Variants in CACNA1C observed in about 807,000 individuals in gnomAD.
CACNA1C encodes calcium voltage-gated channel subunit alpha1 C, also known as voltage-dependent L-type calcium channel subunit alpha-1C.
In CACNA1C, 30 loss-of-function variants were observed where a neutral mutation model predicts 229.0. The ratio of observed to expected loss-of-function variants is 0.13; its 90% confidence interval spans 0.10 to 0.18. The LOEUF (loss-of-function observed/expected upper bound fraction) is 0.18, where lower values mean the gene tolerates loss of function less well. Among genes scored for constraint, CACNA1C ranks in the 10% least tolerant of loss-of-function variants. CACNA1C has a pLI of 1.00. For missense variants in CACNA1C, 1,658 were observed against 2,845.0 expected (o/e 0.58, Z 9.49); for synonymous variants, 1,114 against 1,132.5 (o/e 0.98, Z 0.33).
chr12:2,117,151 A>G (rs1040039924), intron 2 of CACNA1C, among the ~76,000 whole-genome samples: 3 of 152,158 alleles, frequency 2.0e-5, no homozygotes, highest in African/African-American at 4.8e-5. Flanking sequence ...CATGCCAGTA[A>G]TTCCAGCTGC....
intron 3 of CACNA1C, among the ~76,000 whole-genome samples, chr12:2,435,987 G>C (rs1046223499): frequency 5.3e-5 from 8 of 152,216 alleles, no homozygotes; most frequent in African/African-American, 1.7e-4. Flanking sequence ...ACCCTCCCAG[G>C]GGAGGAGAAG....
intron 3 of CACNA1C, among the ~76,000 whole-genome samples, chr12:2,425,828 T>C (rs1424474546): frequency 6.6e-6 from 1 of 152,094 alleles, no homozygotes. Flanking sequence ...CTGGGACAAA[T>C]GAAAGGTCAC....
At chr12:2,185,040 C>T (rs1158801519) in intron 3 of CACNA1C, among the ~76,000 whole-genome samples, 1 of 151,388 alleles carries the variant, frequency 6.6e-6, no homozygotes, top group African/African-American at 2.5e-5. Context: ...CTCATTGCTC[C>T]TGGGCTTTAC....
chr12:2,525,699 A>C (rs568277097), intron 9 of CACNA1C, among the ~76,000 whole-genome samples: 1 of 152,200 alleles, frequency 6.6e-6, no homozygotes, highest in Non-Finnish European at 1.5e-5. Context: ...GTCGAGTAAC[A>C]ACCCCAAACA....
rs974990418 is a variant in CACNA1C, at chr12:2,639,924, GA to G, written c.3912+5547del. On this transcript the variant is annotated intron_variant, in intron 30 of 46. Transcript: ENST00000399655. The surrounding 1 kb of genome is among the most constrained non-coding windows in gnomAD (Gnocchi z 4.2). ...GGGAGCAGAGCAGGCACAGGGAGGG[GA>G]AAGAACACTGGCCCTGGAGCTTCTG... is the stretch of plus-strand genomic sequence containing the variant. Among the ~76,000 whole-genome samples the G allele has an allele frequency of 6.6e-6, 1 of 152,170 alleles. No homozygotes were observed. Among genetic ancestry groups the G allele is most frequent in the African/African-American group, 2.4e-5 (1 of 41,442 alleles).
chr12:2,130,550 G>A (rs2091986277), intron 3 of CACNA1C, among the ~76,000 whole-genome samples: 1 of 116,150 alleles, frequency 8.6e-6, no homozygotes, highest in Non-Finnish European at 1.8e-5. Context: ...GAGAATATGC[G>A]GTGTTTGGTT....
Position 2,575,115 on chromosome 12 carries a change from A to G in CACNA1C, c.1896-6475A>G, listed in dbSNP as rs2057927284. On this transcript the variant is annotated intron_variant, in intron 13 of 46. Coordinates refer to ENST00000399655, the MANE Select transcript of CACNA1C (RefSeq NM_000719.7). This position sits in a 1 kb window ranked among gnomAD's most constrained non-coding sequence, Gnocchi z 4.0. ...CTTGACCAGGTTACACTCCCCATGC[A>G]GGTTCCGTTCTTAATGTGACCGAGA... Among the ~76,000 whole-genome samples the G allele has an allele frequency of 6.6e-6, 1 of 152,218 alleles. No homozygotes were observed. Among genetic ancestry groups the G allele is most frequent in the Non-Finnish European group, 1.5e-5 (1 of 68,036 alleles).
At chr12:2,001,168 C>T (rs1248214521) in intron 1 of CACNA1C, among the ~76,000 whole-genome samples, 5 of 152,156 alleles carry the variant, frequency 3.3e-5, no homozygotes, top group African/African-American at 1.2e-4. Context: ...TTACAGCTGC[C>T]CAAATTCACG....
At chr12:2,233,040 C>G (rs757428090) in intron 3 of CACNA1C, among the ~76,000 whole-genome samples, 2 of 152,130 alleles carry the variant, frequency 1.3e-5, no homozygotes, top group Non-Finnish European at 2.9e-5. Flanking sequence ...AGTACTGATT[C>G]GTTTTATTGG....
intron 7 of CACNA1C, among the ~76,000 whole-genome samples, chr12:2,502,098 G>A (rs2099761839): frequency 6.6e-6 from 1 of 152,168 alleles, no homozygotes; most frequent in African/African-American, 2.4e-5. Context: ...TCAGCCTCAC[G>A]CAGACACTCT....
chr12:2,438,958 C>T (rs2099187023), intron 3 of CACNA1C, among the ~76,000 whole-genome samples: 1 of 152,102 alleles, frequency 6.6e-6, no homozygotes, highest in African/African-American at 2.4e-5. Context: ...CATGCTAGCC[C>T]ACAGGTCACT....
intron 43 of CACNA1C, 36 bp downstream of exon 43, chr12:2,682,714 G>T (rs773133922): frequency 1.3e-6 from 2 of 1,594,734 alleles, no homozygotes; most frequent in East Asian, 4.5e-5. Context: ...GCTGACCCAA[G>T]TGTGGGAACA....
chr12:2,570,375 C>G (rs572824738), intron 13 of CACNA1C, among the ~76,000 whole-genome samples: 2 of 152,214 alleles, frequency 1.3e-5, no homozygotes, highest in East Asian at 3.9e-4. Flanking sequence ...TCTTGGCAAC[C>G]ACCCAGAGCA....
Position 2,595,948 on chromosome 12 carries a change from G to A in CACNA1C, c.2738G>A (p.Ser913Asn), listed in dbSNP as rs1472328929. 1 of 1,613,660 alleles carries A rather than the reference G, an allele frequency of 6.2e-7. No individual in the cohort carries two copies. Among genetic ancestry groups the A allele is most frequent in the Non-Finnish European group, 8.5e-7 (1 of 1,179,804 alleles). Residue 913 changes from serine to asparagine, a missense_variant, in exon 20 of 47, where the codon AGC becomes AAC. Coordinates refer to ENST00000399655, the MANE Select transcript of CACNA1C (RefSeq NM_000719.7). This position sits in a 1 kb window ranked among gnomAD's most constrained non-coding sequence, Gnocchi z 4.1. ...CTGATCCTCTTCTTCATTCTGCTCAGCAGCATTTCCCTGGCTGCTGAGGAC... is the reference window on the plus strand; with the variant it reads ...CTGATCCTCTTCTTCATTCTGCTCAACAGCATTTCCCTGGCTGCTGAGGAC... ...TNLILFFILL[S>N]SISLAAEDPV...
intron 1 of CACNA1C, among the ~76,000 whole-genome samples, chr12:2,070,947 T>TTCCC (rs200622870): frequency 8.0e-6 from 1 of 125,506 alleles, no homozygotes; most frequent in Non-Finnish European, 1.7e-5. Context: ...CCCTTTCCCC[T>TTCCC]TCCCTCCCTC....
chr12:2,367,142 G>A (rs1428306314), intron 3 of CACNA1C, among the ~76,000 whole-genome samples: 1 of 152,194 alleles, frequency 6.6e-6, no homozygotes, highest in Non-Finnish European at 1.5e-5. Flanking sequence ...TGGGGGCAGG[G>A]TTTTGGGATG....
chr12:2,504,817 A>C lies in CACNA1C; in HGVS notation c.1114-25A>C. On this transcript the variant is annotated intron_variant, in intron 7 of 46. Transcript: ENST00000399655. This position sits in a 1 kb window ranked among gnomAD's most constrained non-coding sequence, Gnocchi z 6.8. ...CGTGCTCGGTTGCTGAGTGTGCCTC[A>C]CTAACTATCATTCCGTTCTTCCAGG... The C allele has an allele frequency of 7.4e-7, 1 of 1,358,384 alleles. No individual in the cohort carries two copies. Among genetic ancestry groups the C allele is most frequent in the Non-Finnish European group, 1.1e-6 (1 of 948,266 alleles). 84.1% of individuals were successfully genotyped at this position (1,358,384 alleles called of 1,614,324 possible).
chr12:2,023,822 A>G (rs2046872580), intron 1 of CACNA1C, among the ~76,000 whole-genome samples: 1 of 152,066 alleles, frequency 6.6e-6, no homozygotes, highest in South Asian at 2.1e-4. Flanking sequence ...TAGCTACCCA[A>G]CACCTTCTTC....
chr12:2,604,476 A>T (rs1386951837), intron 22 of CACNA1C, among the ~76,000 whole-genome samples: 1 of 150,606 alleles, frequency 6.6e-6, no homozygotes, highest in Non-Finnish European at 1.5e-5. Flanking sequence ...CCTCCCCATG[A>T]CATCACCTCC....
Sources: gnomAD v4.1 joint callset for allele counts (sites outside exome capture counted in the v4.1 genomes callset) on GRCh38, gnomAD v4.1.1 for gene constraint, Gnocchi (gnomAD v3.1) non-coding constraint, MANE v1.5 for transcripts, NCBI Gene and HGNC (gene_info 2026-07-23, HGNC 2026-07-21) for gene names.